The following SDF4 variants were observed in gnomAD, a reference collection of about 807,000 sequenced individuals.
SDF4 encodes 45 kDa calcium-binding protein.
A neutral mutation model predicts 34.2 loss-of-function variants in SDF4; 22 were observed. That is an observed-to-expected ratio of 0.64 (90% CI 0.46 to 0.92). The LOEUF is 0.92. SDF4 is among the 40% of genes least tolerant of loss of function. The pLI, the probability that SDF4 is intolerant of heterozygous loss-of-function variation, is 0.00. For synonymous variants in SDF4, 236 were observed against 203.1 expected (o/e 1.16, Z -1.38); for missense variants, 447 against 499.9 (o/e 0.89, Z 1.01).
In SDF4 at chr1:1,218,431, C is replaced by G. The variant is rs1649667616; in HGVS notation, c.891+27G>C. 6.2e-7 allele frequency: 1 copy of G among 1,602,408 alleles called. No homozygotes were observed. The highest frequency in any genetic ancestry group is 1.1e-5 in the South Asian group (1 of 90,596). The stretch of plus-strand genomic sequence containing the variant: ...GCCACAGCACCTCGCAGGGCCGGCT[C>G]CGGGACACGGCTGCGCCAGGGCTCA... On this transcript the variant is annotated intron_variant, in intron 6 of 6. Transcript: ENST00000360001. This position sits in a 1 kb window ranked among gnomAD's most constrained non-coding sequence, Gnocchi z 7.9.
In SDF4 at chr1:1,228,587, C is replaced by A; in HGVS notation, c.186G>T (p.Met62Ile). ...GGAAGCCGCGATTGAGGTGCCCGTC[C>A]ATCTCCAGCTTCACCCCGTTCAGGT... Reference protein sequence around the residue: ...PDHLNGVKLEMDGHLNRGFHQ... With the variant: ...PDHLNGVKLEIDGHLNRGFHQ... The change falls in exon 2 of 7, where the codon ATG (methionine) becomes ATT (isoleucine). Residue 62 changes from methionine (M) to isoleucine (I), a missense_variant. Coordinates refer to ENST00000360001, the MANE Select transcript of SDF4 (RefSeq NM_016176.6). 6.2e-7 allele frequency: 1 copy of A among 1,613,218 alleles called. No individual in the cohort carries two copies.
In SDF4 at chr1:1,223,283, C is replaced by T. The variant is rs1278594291; in HGVS notation, c.517G>A (p.Ala173Thr). Reference protein sequence around the residue: ...KGHSEKEVADAIRLNEELKVD... With the variant: ...KGHSEKEVADTIRLNEELKVD... ...TTGAGTTCCTCGTTGAGCCTGATGG[C>T]GTCGGCAACCTCCTTCTCGCTATGG... Residue 173 changes from alanine to threonine, a missense_variant, in exon 4 of 7, where the codon GCC (alanine) becomes ACC (threonine). Ala to Thr is a moderately conservative substitution (Grantham distance 58, BLOSUM62 0). Transcript: ENST00000360001. The T allele has an allele frequency of 3.1e-6, 5 of 1,614,006 alleles. No individual in the cohort carries two copies. Among genetic ancestry groups the T allele is most frequent in the Middle Eastern group, 3.3e-4 (2 of 6,084 alleles).
intron 2 of SDF4, 149 bp from the exon 3 acceptor site, chr1:1,224,117 G>A (rs540276333): frequency 1.5e-5 from 22 of 1,434,258 alleles, no homozygotes; most frequent in African/African-American, 4.3e-5. Context: ...AAAAGCGTCC[G>A]GGACGTGGGG....
At chr1:1,228,329 G>T in intron 2 of SDF4, 139 bp downstream of exon 2, 3 of 944,324 alleles carry the variant, frequency 3.2e-6, no homozygotes, top group East Asian at 2.6e-5. Flanking sequence ...TGGAAGTGGC[G>T]CTCATCACCG....
intron 4 of SDF4, chr1:1,220,151 C>T: frequency 1.0e-6 from 1 of 988,652 alleles, no homozygotes. Context: ...CAGCACCAAC[C>T]TCAGGCTGGT....
intron 1 of SDF4, among the ~76,000 whole-genome samples, chr1:1,230,904 G>A (rs756726192): frequency 7.9e-5 from 12 of 152,186 alleles, no homozygotes; most frequent in Non-Finnish European, 1.6e-4. Flanking sequence ...AACTACAGTC[G>A]TAAAACACAC....
At chr1:1,222,624 T>C (rs1650033295) in intron 4 of SDF4, among the ~76,000 whole-genome samples, 1 of 152,122 alleles carries the variant, frequency 6.6e-6, no homozygotes, top group South Asian at 2.1e-4. Context: ...GCCTTCAGAG[T>C]ACGGGGCAGG....
intron 4 of SDF4, among the ~76,000 whole-genome samples, chr1:1,221,542 AAGG>A (rs998908140): frequency 1.3e-5 from 2 of 151,962 alleles, no homozygotes; most frequent in African/African-American, 4.8e-5. Flanking sequence ...TCTGTCCTCC[AAGG>A]AGGATAGATT....
In SDF4 at chr1:1,217,928, C is replaced by T. The variant is rs1217363203; in HGVS notation, c.892-240G>A. ...GGCACAGGGGCTACACAGGCCTGGACCCCAGTTCTGAAGGATCCCTAACCT... is the reference window on the plus strand; with the variant it reads ...GGCACAGGGGCTACACAGGCCTGGATCCCAGTTCTGAAGGATCCCTAACCT... On this transcript the variant is annotated intron_variant, in intron 6 of 6. Transcript: ENST00000360001. This position sits in a 1 kb window ranked among gnomAD's most constrained non-coding sequence, Gnocchi z 8.5. 1.2e-5 allele frequency: 13 copies of T among 1,105,084 alleles called. No homozygotes were observed. The highest frequency in any genetic ancestry group is 6.1e-4 in the Middle Eastern group (2 of 3,278). 68.5% of individuals were successfully genotyped at this position (1,105,084 alleles called of 1,614,324 possible).
intron 3 of SDF4, 53 bp downstream of exon 3, chr1:1,223,779 T>A (rs894403575): frequency 1.3e-5 from 10 of 784,510 alleles, no homozygotes; most frequent in South Asian, 1.2e-4. Flanking sequence ...GCAAGGCCCA[T>A]GGCCCTGCCC....
intron 4 of SDF4, among the ~76,000 whole-genome samples, chr1:1,221,975 C>T (rs918919292): frequency 3.3e-5 from 5 of 152,146 alleles, no homozygotes; most frequent in African/African-American, 1.2e-4. Context: ...AGGTGGTTTG[C>T]CTTGAGACTC....
rs547160508 is a variant in SDF4 at position 1,220,192 on chromosome 1, C to T, written c.557-1265G>A. ...AGCCTTGAGTCCCAGTCCCTCCCCACGAGCCGGGCCTCTGCTGTTAGGGAA... is the reference window on the plus strand; with the variant it reads ...AGCCTTGAGTCCCAGTCCCTCCCCATGAGCCGGGCCTCTGCTGTTAGGGAA... On this transcript the variant is annotated intron_variant, in intron 4 of 6. Coordinates refer to ENST00000360001, the MANE Select transcript of SDF4 (RefSeq NM_016176.6). 9.3e-4 allele frequency: 918 copies of T among 991,136 alleles called. 1 individual carries two copies. The highest frequency in any genetic ancestry group is 1.1e-3 in the Admixed American group (18 of 17,036). The allele number at this position is 991,136 out of a possible 1,614,324, so 61.4% of individuals were successfully genotyped here.
Position 1,217,871 on chromosome 1 carries a change from G to C in SDF4, c.892-183C>G. 1.4e-6 allele frequency: 2 copies of C among 1,466,902 alleles called. No homozygotes were observed. Among genetic ancestry groups the C allele is most frequent in the Non-Finnish European group, 1.8e-6 (2 of 1,113,502 alleles). The allele number at this position is 1,466,902 out of a possible 1,614,324, so 90.9% of individuals were successfully genotyped here. On this transcript the variant is annotated intron_variant, in intron 6 of 6. Coordinates refer to ENST00000360001, the MANE Select transcript of SDF4 (RefSeq NM_016176.6). The surrounding 1 kb of genome is among the most constrained non-coding windows in gnomAD (Gnocchi z 8.5). ...GGGCAGGGAGAAGCCGGGGGCCCCG[G>C]AAGGCCTGCCCGGGGCCAGCAGGGG...
In SDF4 at chr1:1,223,834, TC is replaced by T; in HGVS notation, c.439del (p.Asp147ThrfsTer11). On this transcript the variant is annotated frameshift_variant, in exon 3 of 7. Coordinates refer to ENST00000360001, the MANE Select transcript of SDF4 (RefSeq NM_016176.6). LOFTEE classifies it high-confidence loss of function. ...THFRAVDPDG[D>X]GHVSWDEYKV... ...CCACCCCGGCCCAGCCACAGTACCG[TC>T]CCCGTCAGGGTCCACGGCGCGGAAG... is the stretch of plus-strand genomic sequence containing the variant. The T allele has an allele frequency of 4.7e-6, 6 of 1,267,426 alleles. No homozygotes were observed. Among genetic ancestry groups the T allele is most frequent in the Non-Finnish European group, 6.2e-6 (6 of 967,972 alleles). The allele number at this position is 1,267,426 out of a possible 1,614,324, so 78.5% of individuals were successfully genotyped here. A position where few individuals can be genotyped will look rare whatever the true frequency, so the allele number is the denominator to read the frequency against.
In SDF4 at chr1:1,217,052, T is replaced by G. The variant is rs1570471800; in HGVS notation, c.*460A>C. 1 of 151,868 alleles carries G rather than the reference T, an allele frequency of 6.6e-6. No homozygotes were observed. The highest frequency in any genetic ancestry group is 6.5e-5 in the Admixed American group (1 of 15,288). 9.4% of individuals were successfully genotyped at this position (151,868 alleles called of 1,614,324 possible). A position where few individuals can be genotyped will look rare whatever the true frequency, so the allele number is the denominator to read the frequency against. On this transcript the variant is annotated 3_prime_UTR_variant, in exon 7 of 7. Transcript: ENST00000360001. This position sits in a 1 kb window ranked among gnomAD's most constrained non-coding sequence, Gnocchi z 8.5. The stretch of plus-strand genomic sequence containing the variant: ...CCGGGAAGGACCCGGCACCCTCCCC[T>G]GAACTTCCTGGCTACTCATTTCCAG...
chr1:1,227,731 A>G (rs1054148334), intron 2 of SDF4, among the ~76,000 whole-genome samples: 1 of 152,168 alleles, frequency 6.6e-6, no homozygotes, highest in Non-Finnish European at 1.5e-5. Flanking sequence ...CCCGTGCAGG[A>G]CCTGGCTCCT....
At position 1,228,506 on chromosome 1, in the gene SDF4, C is replaced by T. The variant is rs142805185; in HGVS notation, c.267G>A (p.Pro89=). ...CCATCAGCTTCCTCCGGCTCCGCCG[C>T]GGCTCCGCGTCCTCATCAAAGCCAC... ...DLGGFDEDAE[P]RRSRRKLMVI... is the part of the protein sequence containing the mutation. The change falls in exon 2 of 7, where the codon CCG becomes CCA. Residue 89 remains proline (P), a synonymous_variant. Coordinates refer to ENST00000360001, the MANE Select transcript of SDF4 (RefSeq NM_016176.6). The T allele has an allele frequency of 1.1e-4, 181 of 1,609,888 alleles. No homozygotes were observed. The African/African-American group carries it at 1.2e-3, about 11-fold the overall frequency.
chr1:1,217,817 C>T lies in SDF4; in HGVS notation c.892-129G>A, dbSNP rs755758689. Reference sequence around the variant, plus strand: ...GTGTGGGCACGTTCTGGAAGGTTCCCGAAGGGAGGCGGCACAAATGAAAAC... The same window carrying T: ...GTGTGGGCACGTTCTGGAAGGTTCCTGAAGGGAGGCGGCACAAATGAAAAC... On this transcript the variant is annotated intron_variant, in intron 6 of 6. Coordinates refer to ENST00000360001, the MANE Select transcript of SDF4 (RefSeq NM_016176.6). This position sits in a 1 kb window ranked among gnomAD's most constrained non-coding sequence, Gnocchi z 8.5. 5.8e-6 allele frequency: 9 copies of T among 1,552,306 alleles called. No homozygotes were observed. Among genetic ancestry groups the T allele is most frequent in the Admixed American group, 3.6e-5 (2 of 55,062 alleles).
At chr1:1,220,235 C>T in intron 4 of SDF4, 1 of 1,022,706 alleles carries the variant, frequency 9.8e-7, no homozygotes, top group East Asian at 9.5e-5. Context: ...GAGAGACCCT[C>T]CTGGATCAGG....
Sources: allele counts gnomAD v4.1 joint callset (sites outside exome capture counted in the v4.1 genomes callset), GRCh38; gene constraint gnomAD v4.1.1; non-coding constraint Gnocchi (gnomAD v3.1); transcripts MANE v1.5; gene names NCBI Gene and HGNC (gene_info 2026-07-23, HGNC 2026-07-21).